Variants in TTC28 observed in about 807,000 individuals in gnomAD.
TTC28 encodes the protein tetratricopeptide repeat protein 28.
TTC28 carries 61 observed loss-of-function variants against 198.0 expected under a neutral mutation model. The ratio of observed to expected loss-of-function variants is 0.31; its 90% CI spans 0.25 to 0.38. The LOEUF (loss-of-function observed/expected upper bound fraction) is 0.38, where lower values mean the gene tolerates loss of function less well. TTC28 is among the 10% of genes least tolerant of loss of function. TTC28 has a pLI of 1.00. For missense variants in TTC28, 2,678 were observed against 3,164.0 expected (o/e 0.85, Z 3.69); for synonymous variants, 1,171 against 1,297.8 (o/e 0.90, Z 2.10).
At chr22:28,303,818 T>A (rs1209331189) in intron 3 of TTC28, 1 of 143,186 alleles carries the variant, frequency 7.0e-6, no homozygotes, top group African/African-American at 2.6e-5. Flanking sequence ...TTTATCCTTC[T>A]CCACTCTCAC....
At chr22:28,677,314 CT>C (rs2052013481) in intron 1 of TTC28, among the ~76,000 whole-genome samples, 1 of 151,320 alleles carries the variant, frequency 6.6e-6, no homozygotes, top group African/African-American at 2.4e-5. Flanking sequence ...TCTATTTTAG[CT>C]TTGACTCTGA....
intron 2 of TTC28, among the ~76,000 whole-genome samples, chr22:28,538,140 A>AGT (rs1244702349): frequency 6.6e-6 from 1 of 152,228 alleles, no homozygotes; most frequent in African/African-American, 2.4e-5. Context: ...GCTAGAGTAC[A>AGT]GTGGCATGAT....
intron 2 of TTC28, among the ~76,000 whole-genome samples, chr22:28,592,649 T>A (rs1321837577): frequency 6.6e-6 from 1 of 152,178 alleles, no homozygotes; most frequent in African/African-American, 2.4e-5. Context: ...AAACCCAGAT[T>A]TTTTTCCTCC....
chr22:28,526,704 A>T (rs2049010187), intron 2 of TTC28, among the ~76,000 whole-genome samples: 1 of 152,160 alleles, frequency 6.6e-6, no homozygotes, highest in African/African-American at 2.4e-5. Flanking sequence ...ATGCTGAAGG[A>T]TCACTACAGG....
At chr22:28,283,359 T>C (rs948351404) in intron 5 of TTC28, among the ~76,000 whole-genome samples, 12 of 151,598 alleles carry the variant, frequency 7.9e-5, no homozygotes, top group Non-Finnish European at 1.8e-4. Context: ...CCACAAGCCT[T>C]TGCATGGATT....
intron 5 of TTC28, among the ~76,000 whole-genome samples, chr22:28,260,520 C>G (rs1931243646): frequency 6.6e-6 from 1 of 152,098 alleles, no homozygotes; most frequent in African/African-American, 2.4e-5. Flanking sequence ...TTCAACCTAG[C>G]CTTCTATTGT....
chr22:28,114,043 G>C (rs1185959785), intron 6 of TTC28, among the ~76,000 whole-genome samples: 1 of 152,166 alleles, frequency 6.6e-6, no homozygotes, highest in South Asian at 2.1e-4. Flanking sequence ...CCTTTTCCAG[G>C]CTGGGAGAAG....
intron 12 of TTC28, among the ~76,000 whole-genome samples, chr22:28,086,726 C>T (rs1184748349): frequency 6.6e-6 from 1 of 152,046 alleles, no homozygotes; most frequent in Non-Finnish European, 1.5e-5. Flanking sequence ...AATCCAGGAG[C>T]TGGTTTTTTG....
At chr22:28,001,039 G>A (rs1216070260) in intron 15 of TTC28, 1 of 220,796 alleles carries the variant, frequency 4.5e-6, no homozygotes, top group East Asian at 8.5e-5. Flanking sequence ...TGTGGATGGT[G>A]GGTGACCAGC....
intron 5 of TTC28, among the ~76,000 whole-genome samples, chr22:28,224,675 G>A (rs144256485): frequency 6.6e-6 from 1 of 152,136 alleles, no homozygotes. Context: ...GGCTGGTGGA[G>A]GGGGTCATGG....
intron 2 of TTC28, among the ~76,000 whole-genome samples, chr22:28,311,589 AC>A (rs2145823130): frequency 6.6e-6 from 1 of 152,304 alleles, no homozygotes; most frequent in African/African-American, 2.4e-5. Context: ...CAAGCATACA[AC>A]GCATAATAAT....
At chr22:28,126,681 A>G (rs976664729) in intron 6 of TTC28, among the ~76,000 whole-genome samples, 4 of 152,220 alleles carry the variant, frequency 2.6e-5, no homozygotes, top group African/African-American at 9.6e-5. Flanking sequence ...TTCTCCACAG[A>G]GCAGCTGTGT....
chr22:28,078,666 G>C (rs929681921), intron 12 of TTC28, among the ~76,000 whole-genome samples: 1 of 152,020 alleles, frequency 6.6e-6, no homozygotes, highest in Non-Finnish European at 1.5e-5. Flanking sequence ...GGAAAATATA[G>C]TCTATAAAAC....
intron 14 of TTC28, among the ~76,000 whole-genome samples, chr22:28,014,046 T>TACCA (rs906660109): frequency 6.6e-6 from 1 of 152,124 alleles, no homozygotes; most frequent in Non-Finnish European, 1.5e-5. Context: ...CCTCATCCAC[T>TACCA]ACCAACCAAC....
intron 2 of TTC28, among the ~76,000 whole-genome samples, chr22:28,480,528 GGCACATTTCTCTAGC>G (rs1328631971): frequency 9.9e-5 from 15 of 152,144 alleles, no homozygotes; most frequent in Non-Finnish European, 1.0e-4. Flanking sequence ...AAAGCAGTCT[GGCACATTTCTCTAGC>G]GCACTAACAA....
At chr22:28,633,986 G>C (rs2051223070) in intron 1 of TTC28, among the ~76,000 whole-genome samples, 1 of 152,080 alleles carries the variant, frequency 6.6e-6, no homozygotes, top group Non-Finnish European at 1.5e-5. Context: ...TAAGAGCAAA[G>C]AAAATACCAT....
At chr22:28,492,872 T>A (rs1360568566) in intron 2 of TTC28, among the ~76,000 whole-genome samples, 1 of 151,990 alleles carries the variant, frequency 6.6e-6, no homozygotes, top group Non-Finnish European at 1.5e-5. Context: ...ATACACGAAA[T>A]GTTCCCAAAA....
At chr22:28,335,951 T>C (rs2045708874) in intron 2 of TTC28, among the ~76,000 whole-genome samples, 1 of 152,206 alleles carries the variant, frequency 6.6e-6, no homozygotes, top group Non-Finnish European at 1.5e-5. Context: ...TTTTTGGCCA[T>C]TCAGTATGAT....
chr22:28,477,795 C>T (rs573736629), intron 2 of TTC28, among the ~76,000 whole-genome samples: 4 of 152,266 alleles, frequency 2.6e-5, no homozygotes, highest in African/African-American at 4.8e-5. Context: ...CCTGCCCTCT[C>T]GTACAACTGG....
Sources: allele counts gnomAD v4.1 joint callset (sites outside exome capture counted in the v4.1 genomes callset), GRCh38; gene constraint gnomAD v4.1.1; transcripts MANE v1.5; gene names NCBI Gene and HGNC (gene_info 2026-07-23, HGNC 2026-07-21).